Variants in SLC1A3 observed in about 807,000 individuals in gnomAD.
SLC1A3 encodes excitatory amino acid transporter 1.
Under a neutral mutation model 48.1 loss-of-function variants are expected in SLC1A3, and 21 were observed. The ratio of observed to expected loss-of-function variants is 0.44; its 90% CI spans 0.31 to 0.63. SLC1A3 has a LOEUF of 0.63. Among genes scored for constraint, SLC1A3 ranks in the 20% least tolerant of loss-of-function variants. The pLI is 0.08. For synonymous variants in SLC1A3, 239 were observed against 251.4 expected, an observed-to-expected ratio of 0.95 and a Z score of 0.47; for missense variants, 546 against 689.0, an observed-to-expected ratio of 0.79 and a Z score of 2.32.
chr5:36,623,126 A>C (rs1739752801), intron 2 of SLC1A3, among the ~76,000 whole-genome samples: 1 of 152,202 alleles, frequency 6.6e-6, no homozygotes, highest in Non-Finnish European at 1.5e-5. Context: ...TTAAGCAAAA[A>C]TGCAACTTTG....
upstream of SLC1A3, among the ~76,000 whole-genome samples, chr5:36,604,906 T>TG (rs59950179): frequency 0.12 from 13,050 of 110,462 alleles, 1,583 homozygotes; most frequent in Non-Finnish European, 0.19. Flanking sequence ...AAAAAAGCGG[T>TG]GGGGGGGGGG....
At chr5:36,674,617 T>C (rs1742133130) in intron 5 of SLC1A3, among the ~76,000 whole-genome samples, 3 of 152,132 alleles carry the variant, frequency 2.0e-5, no homozygotes, top group Non-Finnish European at 1.5e-5. Flanking sequence ...ACTAACATTA[T>C]TTTTAGTCCT....
chr5:36,635,801 T>C (rs543371670), intron 3 of SLC1A3, among the ~76,000 whole-genome samples: 1 of 152,122 alleles, frequency 6.6e-6, no homozygotes, highest in Admixed American at 6.5e-5. Context: ...ATCTTAACAC[T>C]CAAACACACT....
At chr5:36,664,547 C>T (rs538530685) in intron 3 of SLC1A3, among the ~76,000 whole-genome samples, 1 of 151,852 alleles carries the variant, frequency 6.6e-6, no homozygotes, top group African/African-American at 2.4e-5. Flanking sequence ...TGTATTGCAA[C>T]CTGGCACTCA....
intron 3 of SLC1A3, among the ~76,000 whole-genome samples, chr5:36,654,292 A>T (rs372387644): frequency 6.6e-6 from 1 of 152,168 alleles, no homozygotes; most frequent in African/African-American, 2.4e-5. Context: ...GCCAATGGAA[A>T]TGTTCTCGTG....
At chr5:36,665,813 G>C (rs896991213) in intron 3 of SLC1A3, among the ~76,000 whole-genome samples, 1 of 152,158 alleles carries the variant, frequency 6.6e-6, no homozygotes, top group Non-Finnish European at 1.5e-5. Flanking sequence ...CTGTGCCACT[G>C]TCTCTTAGAT....
chr5:36,608,519 A>C lies in SLC1A3; in HGVS notation c.96A>C (p.Lys32Asn). The change falls in exon 2 of 10, where the codon AAA becomes AAC. Residue 32 changes from lysine to asparagine, a missense_variant. By Grantham distance (94) the Lys-to-Asn change is moderately conservative (BLOSUM62 0). Coordinates refer to ENST00000265113, the MANE Select transcript of SLC1A3 (RefSeq NM_004172.5). ...AACGCACACTTTTGGCCAAGAAGAA[A>C]GTGCAGAACATTACAAAGGAGGATG... The part of the protein sequence containing the change: ...VRKRTLLAKK[K>N]VQNITKEDVK... 1 of 1,614,112 alleles carries C rather than the reference A, an allele frequency of 6.2e-7. No homozygotes were observed.
chr5:36,639,355 C>T (rs548377519), intron 3 of SLC1A3, among the ~76,000 whole-genome samples: 6 of 152,340 alleles, frequency 3.9e-5, no homozygotes, highest in South Asian at 2.1e-4. Flanking sequence ...ATCTTTCACA[C>T]GCTTTGTTAA....
At chr5:36,644,874 T>C (rs1357089318) in intron 3 of SLC1A3, among the ~76,000 whole-genome samples, 1 of 152,016 alleles carries the variant, frequency 6.6e-6, no homozygotes, top group South Asian at 2.1e-4. Flanking sequence ...TGTGAGGTGG[T>C]TGGTGGTGAG....
Position 36,678,866 on chromosome 5 carries a change from C to T in SLC1A3, c.861-761C>T, listed in dbSNP as rs955896818. ...TATAACCTGATTGCAGTAGTACATACATGCACATTATTAAGTTTAATAATG... is the reference window on the plus strand; with the variant it reads ...TATAACCTGATTGCAGTAGTACATATATGCACATTATTAAGTTTAATAATG... On this transcript the variant is annotated intron_variant, in intron 6 of 9. Transcript: ENST00000265113. 7.9e-5 allele frequency among the ~76,000 whole-genome samples: 12 copies of T among 152,162 alleles called. 1 individual carries two copies. Among genetic ancestry groups the T allele is most frequent in the Admixed American group, 5.9e-4 (9 of 15,268 alleles).
intron 2 of SLC1A3, among the ~76,000 whole-genome samples, chr5:36,617,915 G>A: frequency 6.6e-6 from 1 of 152,098 alleles, no homozygotes; most frequent in East Asian, 1.9e-4. Context: ...GGGTCTAAAG[G>A]TATACTCATT....
chr5:36,599,508 C>CTCT (rs1738781582), intron 1 of SLC1A3, among the ~76,000 whole-genome samples: 1 of 78,286 alleles, frequency 1.3e-5, no homozygotes, highest in Non-Finnish European at 2.2e-5. Context: ...TACGGTTGAA[C>CTCT]TTTTTTTTTT....
intron 1 of SLC1A3, among the ~76,000 whole-genome samples, chr5:36,598,000 C>G (rs1193090613): frequency 6.6e-6 from 1 of 152,194 alleles, no homozygotes; most frequent in Non-Finnish European, 1.5e-5. Context: ...AGGACTGCCA[C>G]GATTTTGCCC....
chr5:36,609,578 T>A, intron 2 of SLC1A3, among the ~76,000 whole-genome samples: 1 of 152,212 alleles, frequency 6.6e-6, no homozygotes, highest in East Asian at 1.9e-4. Context: ...AATTCTGTAG[T>A]GTGTAAATAT....
intron 3 of SLC1A3, among the ~76,000 whole-genome samples, chr5:36,662,666 C>G (rs990518007): frequency 2.6e-5 from 4 of 152,218 alleles, no homozygotes; most frequent in African/African-American, 9.6e-5. Context: ...CAGCGGGGCT[C>G]GCGCCGGCAG....
At chr5:36,614,071 T>A (rs1739326842) in intron 2 of SLC1A3, among the ~76,000 whole-genome samples, 1 of 152,150 alleles carries the variant, frequency 6.6e-6, no homozygotes, top group Non-Finnish European at 1.5e-5. Flanking sequence ...ACAGCCTAGG[T>A]TTATGTCCAG....
chr5:36,660,907 T>C (rs926576886), intron 3 of SLC1A3, among the ~76,000 whole-genome samples: 20 of 152,160 alleles, frequency 1.3e-4, no homozygotes, highest in Admixed American at 6.5e-5. Context: ...CTTTCTCATC[T>C]CCCTTCCTTT....
At chr5:36,621,626 C>G (rs1241539852) in intron 2 of SLC1A3, among the ~76,000 whole-genome samples, 1 of 152,046 alleles carries the variant, frequency 6.6e-6, no homozygotes, top group Admixed American at 6.5e-5. Context: ...TCTTCATTTA[C>G]AAATTAGAAA....
At chr5:36,611,322 T>TG (rs1191749464) in intron 2 of SLC1A3, among the ~76,000 whole-genome samples, 2 of 147,196 alleles carry the variant, frequency 1.4e-5, no homozygotes, top group Non-Finnish European at 3.0e-5. Flanking sequence ...ACCTATGTAC[T>TG]GGGTTGAATC....
Sources: gnomAD v4.1 joint callset for allele counts (sites outside exome capture counted in the v4.1 genomes callset) on GRCh38, gnomAD v4.1.1 for gene constraint, MANE v1.5 for transcripts, NCBI Gene and HGNC (gene_info 2026-07-23, HGNC 2026-07-21) for gene names.